The following TRAF3IP3 variants were observed in gnomAD, a reference collection of about 807,000 sequenced individuals.
TRAF3IP3 encodes TRAF3 interacting protein 3.
In TRAF3IP3, 64 loss-of-function variants were observed where a neutral mutation model predicts 86.5. The observed-to-expected ratio is 0.74, with a 90% CI of 0.60 to 0.91. The LOEUF (loss-of-function observed/expected upper bound fraction) is 0.91, where lower values mean the gene tolerates loss of function less well. TRAF3IP3 is among the 40% of genes least tolerant of loss of function. The pLI is 0.00. For missense variants in TRAF3IP3, 579 were observed against 642.9 expected, an observed-to-expected ratio of 0.90 and a Z score of 1.07; for synonymous variants, 220 against 243.9, an observed-to-expected ratio of 0.90 and a Z score of 0.91.
intron 8 of TRAF3IP3, among the ~76,000 whole-genome samples, chr1:209,766,217 A>C (rs1330642420): frequency 6.6e-6 from 1 of 152,250 alleles, no homozygotes; most frequent in Non-Finnish European, 1.5e-5. Context: ...ATCTGTGGTC[A>C]GAGCTCCTGA....
At position 209,781,393 on chromosome 1, in the gene TRAF3IP3, T is replaced by C. The variant is rs765953319; in HGVS notation, c.1498T>C (p.Ser500Pro). Reference sequence around the variant, plus strand: ...AGACAACCTCAGTGACGAGTATCTCTCCTGCCTGCGTAAGCTGCAGCACTG... The same window carrying C: ...AGACAACCTCAGTGACGAGTATCTCCCCTGCCTGCGTAAGCTGCAGCACTG... ...ELDNLSDEYL[S>P]CLRKLQHCRE... Residue 500 changes from serine to proline, a missense_variant, in exon 16 of 17, where the codon TCC (serine) becomes CCC (proline). Coordinates refer to ENST00000367025, the MANE Select transcript of TRAF3IP3 (RefSeq NM_025228.4). 25 of 1,613,564 alleles carry C rather than the reference T, an allele frequency of 1.5e-5. No individual in the cohort carries two copies. Among genetic ancestry groups the C allele is most frequent in the Non-Finnish European group, 1.9e-5 (22 of 1,179,696 alleles).
At chr1:209,779,200 A>G in intron 13 of TRAF3IP3, 115 bp from the exon 14 acceptor site, 1 of 766,806 alleles carries the variant, frequency 1.3e-6, no homozygotes, top group Non-Finnish European at 2.1e-6. Context: ...GACAAAATTC[A>G]ACACACAGCA....
At chr1:209,774,313 T>G (rs771121758) in intron 9 of TRAF3IP3, among the ~76,000 whole-genome samples, 1 of 152,186 alleles carries the variant, frequency 6.6e-6, no homozygotes, top group Non-Finnish European at 1.5e-5. Context: ...GATTTTTTTT[T>G]AAAGCAGCAG....
At chr1:209,756,937 G>T (rs909073921) in intron 1 of TRAF3IP3, among the ~76,000 whole-genome samples, 11 of 152,188 alleles carry the variant, frequency 7.2e-5, no homozygotes, top group Non-Finnish European at 1.6e-4. Flanking sequence ...GGGGGAACCT[G>T]AGAGATGCCA....
At chr1:209,780,329 G>T in intron 14 of TRAF3IP3, 141 bp from the exon 15 acceptor site, 1 of 692,896 alleles carries the variant, frequency 1.4e-6, no homozygotes, top group Non-Finnish European at 2.2e-6. Context: ...TAACCTTTAT[G>T]TCAGAGAATG....
At chr1:209,761,853 C>A (rs2077250605) in intron 3 of TRAF3IP3, among the ~76,000 whole-genome samples, 1 of 152,208 alleles carries the variant, frequency 6.6e-6, no homozygotes, top group African/African-American at 2.4e-5. Context: ...ATGTAAGTGG[C>A]CATAACCAAA....
chr1:209,763,982 G>A (rs189110782), intron 8 of TRAF3IP3, among the ~76,000 whole-genome samples: 10 of 152,286 alleles, frequency 6.6e-5, no homozygotes, highest in African/African-American at 2.2e-4. Context: ...CACTCAGTCC[G>A]AATAAAAATA....
At chr1:209,770,782 TG>T (rs2077470249) in intron 8 of TRAF3IP3, among the ~76,000 whole-genome samples, 5 of 46,802 alleles carry the variant, frequency 1.1e-4, no homozygotes, top group East Asian at 1.4e-3. Context: ...CCTATGGAGG[TG>T]TGTGTGTGTG....
intron 15 of TRAF3IP3, 55 bp downstream of exon 15, chr1:209,780,661 T>C: frequency 2.8e-6 from 4 of 1,434,020 alleles, no homozygotes; most frequent in African/African-American, 1.5e-5. Context: ...CAGAGAAACC[T>C]GGGAGGCAGT....
intron 8 of TRAF3IP3, chr1:209,768,300 C>T (rs1304220199): frequency 3.0e-6 from 3 of 985,348 alleles, no homozygotes; most frequent in African/African-American, 1.7e-5. Flanking sequence ...GGCTTCACCT[C>T]CGGATGTCTC....
intron 8 of TRAF3IP3, 63 bp downstream of exon 8, chr1:209,763,650 C>A: frequency 7.5e-7 from 1 of 1,340,664 alleles, no homozygotes; most frequent in Non-Finnish European, 1.1e-6. Flanking sequence ...TCTCATTTTT[C>A]TTTCCACATC....
chr1:209,779,390 A>C lies in TRAF3IP3; in HGVS notation c.1312+16A>C, dbSNP rs771720041. The C allele has an allele frequency of 1.2e-6, 2 of 1,608,740 alleles. No homozygotes were observed. Among genetic ancestry groups the C allele is most frequent in the Non-Finnish European group, 1.7e-6 (2 of 1,175,056 alleles). ...ACAAAGAAAGGTCAGCAAATTTATTACCACAAATTCTAAGATATTGCTCTT... is the reference window on the plus strand; with the variant it reads ...ACAAAGAAAGGTCAGCAAATTTATTCCCACAAATTCTAAGATATTGCTCTT... On this transcript the variant is annotated intron_variant, in intron 14 of 16. Transcript: ENST00000367025.
intron 8 of TRAF3IP3, among the ~76,000 whole-genome samples, chr1:209,770,595 T>C (rs1468239305): frequency 7.4e-6 from 1 of 135,016 alleles, no homozygotes; most frequent in Non-Finnish European, 1.6e-5. Context: ...GGTGTATCTG[T>C]GCATGTGGAG....
intron 14 of TRAF3IP3, 152 bp downstream of exon 14, chr1:209,779,526 A>G: frequency 2.7e-6 from 2 of 729,984 alleles, no homozygotes; most frequent in East Asian, 2.7e-5. Flanking sequence ...AGGACTGATC[A>G]TTGGCTCTGA....
intron 8 of TRAF3IP3, among the ~76,000 whole-genome samples, chr1:209,771,743 G>A (rs550540433): frequency 1.5e-5 from 2 of 134,198 alleles, no homozygotes; most frequent in South Asian, 2.6e-4. Flanking sequence ...GCATGTGGAG[G>A]TGTGTGCGCG....
At position 209,781,459 on chromosome 1, in the gene TRAF3IP3, GT is replaced by G; in HGVS notation, c.1563+2del. The G allele has an allele frequency of 1.9e-6, 3 of 1,607,992 alleles. No individual in the cohort carries two copies. Among genetic ancestry groups the G allele is most frequent in the Non-Finnish European group, 2.6e-6 (3 of 1,174,820 alleles). On this transcript the variant is annotated splice_donor_variant, in intron 16 of 16. Transcript: ENST00000367025. LOFTEE classifies it high-confidence loss of function. The stretch of plus-strand genomic sequence containing the variant: ...CCAGAGCCAGCAGCTGCCTCCCAGA[GT>G]AAGAGGGTCTCTCCTTCCCATAAAG...
At chr1:209,757,090 C>T (rs2077166931) in intron 1 of TRAF3IP3, among the ~76,000 whole-genome samples, 2 of 152,202 alleles carry the variant, frequency 1.3e-5, no homozygotes, top group African/African-American at 4.8e-5. Context: ...ATCCCAGAAA[C>T]CTGGGTAGGG....
rs2077698452 is a variant in TRAF3IP3, at chr1:209,778,164, C to A, written c.1243C>A (p.Gln415Lys). Residue 415 changes from glutamine (Q) to lysine (K), a missense_variant, in exon 13 of 17, where the codon CAG becomes AAG. By Grantham distance (53) the Gln-to-Lys change is moderately conservative. Transcript: ENST00000367025. ...ACTCACCCTGGTGACCAGAGTACAG[C>A]AGTTGCAGGGTAAGTTCGCTTTCCA... ...EKLTLVTRVQQLQGLLQNQSL... is the reference protein window; with the variant it reads ...EKLTLVTRVQKLQGLLQNQSL... 1.2e-6 allele frequency: 2 copies of A among 1,613,858 alleles called. No individual in the cohort carries two copies. The highest frequency in any genetic ancestry group is 2.7e-5 in the African/African-American group (2 of 74,902).
chr1:209,768,862 T>A lies in TRAF3IP3; in HGVS notation c.703-4086T>A, dbSNP rs536406432. 5.9e-5 allele frequency among the ~76,000 whole-genome samples: 9 copies of A among 152,286 alleles called. No individual in the cohort carries two copies. The South Asian group carries it at 1.9e-3, about 32-fold the overall frequency. ...ACTACATGCCCGATTTGCAACAACT[T>A]GGCTGCGACTTTTATGACGTTTTGG... On this transcript the variant is annotated intron_variant, in intron 8 of 16. Transcript: ENST00000367025.
Sources: gnomAD v4.1 joint callset for allele counts (sites outside exome capture counted in the v4.1 genomes callset) on GRCh38, gnomAD v4.1.1 for gene constraint, MANE v1.5 for transcripts, NCBI Gene and HGNC (gene_info 2026-07-23, HGNC 2026-07-21) for gene names.